CSMD1: variants seen among roughly 807,000 people sequenced by gnomAD.
CSMD1 encodes CUB and sushi domain-containing protein 1.
A neutral mutation model predicts 417.5 loss-of-function variants in CSMD1; 213 were observed. The ratio of observed to expected loss-of-function variants is 0.51; its 90% CI spans 0.46 to 0.57. CSMD1 has a LOEUF of 0.57. Ranked by LOEUF, CSMD1 falls within the 20% of genes least tolerant of loss-of-function variation. The pLI is 0.00. For missense variants in CSMD1, 6,923 were observed against 4,529.7 expected (o/e 1.53, Z -15.17); for synonymous variants, 2,862 against 1,736.8 (o/e 1.65, Z -16.11).
Position 4,504,802 on chromosome 8 carries a change from G to C in CSMD1, c.303-84737C>G, listed in dbSNP as rs576214242. Reference sequence around the variant, plus strand: ...CCAGCTTCATCCATGTCCCTGCAAAGGACATGAACTCATTATTTTTTATGG... The same window carrying C: ...CCAGCTTCATCCATGTCCCTGCAAACGACATGAACTCATTATTTTTTATGG... On this transcript the variant is annotated intron_variant, in intron 2 of 69. Coordinates refer to ENST00000635120, the MANE Select transcript of CSMD1 (RefSeq NM_033225.6). 2.0e-5 allele frequency among the ~76,000 whole-genome samples: 3 copies of C among 152,262 alleles called. No homozygotes were observed. The South Asian group carries it at 6.2e-4, about 32-fold the overall frequency.
intron 3 of CSMD1, among the ~76,000 whole-genome samples, chr8:4,419,092 A>C (rs1797106342): frequency 6.6e-6 from 1 of 152,156 alleles, no homozygotes; most frequent in Non-Finnish European, 1.5e-5. Flanking sequence ...TCCCAGTAAG[A>C]ATATATAATT....
At chr8:4,644,216 T>A (rs2130875992) in intron 1 of CSMD1, among the ~76,000 whole-genome samples, 1 of 152,252 alleles carries the variant, frequency 6.6e-6, no homozygotes, top group South Asian at 2.1e-4. Context: ...CAGTGTCACT[T>A]CTTTCCCTTC....
intron 5 of CSMD1, among the ~76,000 whole-genome samples, chr8:3,773,360 T>G (rs1798720381): frequency 2.0e-5 from 3 of 152,172 alleles, no homozygotes; most frequent in Non-Finnish European, 2.9e-5. Flanking sequence ...CTCAGCTCAC[T>G]GTAGCCTCGA....
chr8:3,117,952 G>C (rs1403496900), intron 42 of CSMD1, among the ~76,000 whole-genome samples: 1 of 152,138 alleles, frequency 6.6e-6, no homozygotes, highest in African/African-American at 2.4e-5. Flanking sequence ...TCATTTTTCT[G>C]AAATGCAAAA....
At chr8:4,472,513 T>C (rs1387512107) in intron 2 of CSMD1, among the ~76,000 whole-genome samples, 2 of 151,890 alleles carry the variant, frequency 1.3e-5, no homozygotes, top group Non-Finnish European at 2.9e-5. Flanking sequence ...TTGTAAAAAA[T>C]AAAAGGAAAT....
At chr8:4,946,807 T>C (rs966887438) in intron 1 of CSMD1, among the ~76,000 whole-genome samples, 8 of 152,204 alleles carry the variant, frequency 5.3e-5, no homozygotes, top group African/African-American at 1.9e-4. Flanking sequence ...TAGACTGTGA[T>C]TCTATTTAAA....
intron 5 of CSMD1, among the ~76,000 whole-genome samples, chr8:3,766,184 G>A (rs1447939943): frequency 6.6e-6 from 1 of 152,156 alleles, no homozygotes; most frequent in East Asian, 1.9e-4. Context: ...TCCACGGAAG[G>A]GACAGAGGAA....
At chr8:4,787,503 T>A in intron 1 of CSMD1, 1 of 962,264 alleles carries the variant, frequency 1.0e-6, no homozygotes, top group South Asian at 1.4e-5. Context: ...ACCAGTTGTA[T>A]TTTTCAGTTA....
At chr8:4,514,340 C>T (rs552172634) in intron 2 of CSMD1, among the ~76,000 whole-genome samples, 8 of 152,238 alleles carry the variant, frequency 5.3e-5, no homozygotes, top group East Asian at 3.9e-4. Flanking sequence ...TCTCCATATA[C>T]GGCTATACTG....
intron 1 of CSMD1, among the ~76,000 whole-genome samples, chr8:4,840,348 T>C (rs1351057882): frequency 6.6e-6 from 1 of 152,242 alleles, no homozygotes; most frequent in African/African-American, 2.4e-5. Flanking sequence ...TGTAATGCAA[T>C]GATGATAACT....
chr8:4,784,178 T>C (rs1178549491), intron 1 of CSMD1, among the ~76,000 whole-genome samples: 1 of 152,240 alleles, frequency 6.6e-6, no homozygotes, highest in Non-Finnish European at 1.5e-5. Flanking sequence ...AAGTAAAAGT[T>C]TGTTCTTACA....
In CSMD1 at chr8:4,637,506, T is replaced by A; in HGVS notation, c.138A>T (p.Pro46=). The part of the protein sequence containing the change: ...VQGPNGTIES[P]GFPHGYPNYA... ...AGTTCGGATACCCGTGAGGAAACCC[T>A]GGGCTCTCAATAGTGCCATTGGGAC... Residue 46 remains proline (P), a synonymous_variant, in exon 2 of 70, where the codon CCA becomes CCT. Coordinates refer to ENST00000635120, the MANE Select transcript of CSMD1 (RefSeq NM_033225.6). 1 of 1,613,924 alleles carries A rather than the reference T, an allele frequency of 6.2e-7. No homozygotes were observed. Among genetic ancestry groups the A allele is most frequent in the Non-Finnish European group, 8.5e-7 (1 of 1,179,864 alleles).
intron 1 of CSMD1, among the ~76,000 whole-genome samples, chr8:4,762,060 G>C (rs917909407): frequency 2.6e-5 from 4 of 151,906 alleles, no homozygotes; most frequent in Admixed American, 2.6e-4. Flanking sequence ...GACCAAATAA[G>C]TCTCAAATGA....
At chr8:4,520,547 C>G (rs1291293111) in intron 2 of CSMD1, among the ~76,000 whole-genome samples, 2 of 152,152 alleles carry the variant, frequency 1.3e-5, no homozygotes, top group South Asian at 4.2e-4. Context: ...GCCAGAAAAC[C>G]TCCCCATTTT....
intron 1 of CSMD1, among the ~76,000 whole-genome samples, chr8:4,917,651 G>GAAAT (rs113978491): frequency 6.6e-6 from 1 of 151,026 alleles, no homozygotes; most frequent in Non-Finnish European, 1.5e-5. Flanking sequence ...ATAAATAAAT[G>GAAAT]AAATAAAATA....
intron 1 of CSMD1, among the ~76,000 whole-genome samples, chr8:4,810,871 TG>T (rs1290204780): frequency 1.3e-5 from 2 of 152,192 alleles, no homozygotes; most frequent in Non-Finnish European, 2.9e-5. Flanking sequence ...ATAAGAAAAC[TG>T]TAACAGCCTT....
intron 2 of CSMD1, among the ~76,000 whole-genome samples, chr8:4,455,727 T>A (rs1799426911): frequency 6.6e-6 from 1 of 151,492 alleles, no homozygotes; most frequent in African/African-American, 2.4e-5. Flanking sequence ...GGTCAGGAGT[T>A]CAAGACCAGC....
intron 2 of CSMD1, among the ~76,000 whole-genome samples, chr8:4,469,604 T>G (rs973806351): frequency 1.3e-5 from 2 of 152,136 alleles, no homozygotes; most frequent in African/African-American, 4.8e-5. Flanking sequence ...TCTTTGACTC[T>G]GTGTATTCCT....
chr8:3,159,293 G>A (rs1819734535), intron 38 of CSMD1, among the ~76,000 whole-genome samples: 1 of 152,066 alleles, frequency 6.6e-6, no homozygotes, highest in South Asian at 2.1e-4. Context: ...CTAGCTACAA[G>A]TTTTCTAATA....
Sources: allele counts gnomAD v4.1 joint callset (sites outside exome capture counted in the v4.1 genomes callset), GRCh38; gene constraint gnomAD v4.1.1; transcripts MANE v1.5; gene names NCBI Gene and HGNC (gene_info 2026-07-23, HGNC 2026-07-21).